The following TTC7A variants were observed in gnomAD, a reference collection of about 807,000 sequenced individuals.
TTC7A encodes the protein tetratricopeptide repeat protein 7A.
A neutral mutation model predicts 103.7 loss-of-function variants in TTC7A; 110 were observed. That is an observed-to-expected ratio of 1.06 (90% CI 0.91 to 1.24). The LOEUF is 1.24. TTC7A is among the 50% of genes most tolerant of loss of function. The probability of loss-of-function intolerance (pLI) is 0.00; values close to 1 mark genes in which losing one functional copy is unlikely to be tolerated. For missense variants in TTC7A, 1,340 were observed against 1,116.3 expected, an observed-to-expected ratio of 1.20 and a Z score of -2.86; for synonymous variants, 521 against 467.9, an observed-to-expected ratio of 1.11 and a Z score of -1.47.
chr2:46,987,443 T>C (rs1471792099), intron 5 of TTC7A, among the ~76,000 whole-genome samples: 1 of 152,178 alleles, frequency 6.6e-6, no homozygotes, highest in Non-Finnish European at 1.5e-5. Context: ...TGTCAGTGGC[T>C]CTAACTGCAC....
chr2:46,975,084 T>C lies in TTC7A; in HGVS notation c.629T>C (p.Phe210Ser). 6.2e-7 allele frequency: 1 copy of C among 1,613,862 alleles called. No homozygotes were observed. The highest frequency in any genetic ancestry group is 8.5e-7 in the Non-Finnish European group (1 of 1,179,842). Residue 210 changes from phenylalanine to serine, a missense_variant, in exon 4 of 20, where the codon TTC becomes TCC. Phe to Ser is a radical substitution (Grantham distance 155, BLOSUM62 -2). Coordinates refer to ENST00000319190, the MANE Select transcript of TTC7A (RefSeq NM_020458.4). ...FERASWIAQV[F>S]LQELEKTTNN... ...AGGGCCTCCTGGATCGCTCAGGTGT[T>C]CCTGCAGGAATTGGAGAAGGTGAGC...
intron 19 of TTC7A, among the ~76,000 whole-genome samples, chr2:47,071,556 C>T (rs1056006780): frequency 2.0e-5 from 3 of 152,196 alleles, no homozygotes; most frequent in African/African-American, 4.8e-5. Flanking sequence ...TGTTTCATTG[C>T]TTTGGTTTAC....
intron 11 of TTC7A, among the ~76,000 whole-genome samples, chr2:47,016,199 A>G (rs150263884): frequency 6.6e-6 from 1 of 152,294 alleles, no homozygotes; most frequent in East Asian, 1.9e-4. Context: ...GTCACAGGAA[A>G]TTTTCCCTTA....
intron 8 of TTC7A, among the ~76,000 whole-genome samples, chr2:46,995,565 G>A (rs187713381): frequency 7.9e-5 from 12 of 152,342 alleles, no homozygotes; most frequent in African/African-American, 2.9e-4. Context: ...GGTAGGGAAT[G>A]GAAGGAATGT....
intron 19 of TTC7A, chr2:47,065,614 C>T (rs1417712110): frequency 2.0e-5 from 3 of 152,180 alleles, no homozygotes; most frequent in African/African-American, 7.2e-5. Flanking sequence ...AGGGGGAGGG[C>T]AGAGAGCTTT....
intron 2 of TTC7A, among the ~76,000 whole-genome samples, chr2:46,924,018 G>A (rs1669254479): frequency 6.6e-6 from 1 of 151,948 alleles, no homozygotes; most frequent in South Asian, 2.1e-4. Flanking sequence ...TTACAGGTGT[G>A]AGCCACTGTG....
chr2:46,946,372 T>G (rs1401405837), intron 1 of TTC7A, among the ~76,000 whole-genome samples: 1 of 152,198 alleles, frequency 6.6e-6, no homozygotes, highest in Non-Finnish European at 1.5e-5. Flanking sequence ...TTGTTTTCCC[T>G]TTGGAAGGAC....
intron 14 of TTC7A, among the ~76,000 whole-genome samples, chr2:47,025,101 C>T (rs924005859): frequency 3.9e-5 from 6 of 152,224 alleles, no homozygotes; most frequent in African/African-American, 1.4e-4. Context: ...GCCTTTGGCT[C>T]TCACAGTGGA....
intron 3 of TTC7A, among the ~76,000 whole-genome samples, chr2:46,973,407 A>G (rs750294273): frequency 2.0e-5 from 3 of 152,232 alleles, no homozygotes; most frequent in Non-Finnish European, 2.9e-5. Context: ...CGCATGGTGC[A>G]GGGAAACCCT....
In TTC7A at chr2:47,049,344, A is replaced by G. The variant is rs927534983; in HGVS notation, c.1920-605A>G. Among the ~76,000 whole-genome samples the G allele has an allele frequency of 3.3e-5, 5 of 150,860 alleles. No homozygotes were observed. In the East Asian group the frequency reaches 9.8e-4, roughly 30 times the overall value. On this transcript the variant is annotated intron_variant, in intron 16 of 19. Transcript: ENST00000319190. ...CTGCCCCCACTCTGTGAAAAGAGGA[A>G]CCCCTCCCCCCCGCCAGCAGTATAG...
rs5830931 is a variant in TTC7A at position 46,980,216 on chromosome 2, C to CT, written c.764+1330dup. On this transcript the variant is annotated intron_variant, in intron 5 of 19. Transcript: ENST00000319190. ...TTTTCTTCTACCCTATACTCTCTCT[C>CT]TTTTTTTTTTTTTTTTTTTTTAAAG... Among the ~76,000 whole-genome samples the CT allele has an allele frequency of 4.8e-3, 596 of 124,090 alleles. 3 individuals carry two copies. The highest frequency in any genetic ancestry group is 8.9e-3 in the Middle Eastern group (2 of 224). 81.4% of individuals were successfully genotyped at this position (124,090 alleles called of 152,430 possible). A position where few individuals can be genotyped will look rare whatever the true frequency, so the allele number is the denominator to read the frequency against.
chr2:46,934,787 CTTTTTTT>C (rs1161003607), intron 2 of TTC7A, among the ~76,000 whole-genome samples: 5 of 66,886 alleles, frequency 7.5e-5, no homozygotes, highest in African/African-American at 1.9e-4. Flanking sequence ...GACTACTGCT[CTTTTTTT>C]TTTTTTTTTT....
rs924829960 is a variant in TTC7A at position 46,941,385 on chromosome 2, C to A, written c.-157C>A. The stretch of plus-strand genomic sequence containing the variant: ...GCTGGTGCTGCTGCTGCTGCTGCTG[C>A]CCACCCTCCGCCGCCCGGGCCCCCG... On this transcript the variant is annotated 5_prime_UTR_variant, in exon 1 of 20. Coordinates refer to ENST00000319190, the MANE Select transcript of TTC7A (RefSeq NM_020458.4). This position sits in a 1 kb window ranked among gnomAD's most constrained non-coding sequence, Gnocchi z 4.2. 5 of 533,898 alleles carry A rather than the reference C, an allele frequency of 9.4e-6. No individual in the cohort carries two copies. Among genetic ancestry groups the A allele is most frequent in the African/African-American group, 2.0e-5 (1 of 49,566 alleles). 33.1% of individuals were successfully genotyped at this position (533,898 alleles called of 1,614,324 possible).
intron 1 of TTC7A, among the ~76,000 whole-genome samples, chr2:46,942,538 C>G (rs973891071): frequency 1.2e-4 from 19 of 152,158 alleles, no homozygotes; most frequent in Non-Finnish European, 1.2e-4. Context: ...AGGGACAGAT[C>G]GTGATAGTAA....
intron 8 of TTC7A, among the ~76,000 whole-genome samples, chr2:47,003,222 G>C (rs934723872): frequency 2.6e-5 from 4 of 152,202 alleles, no homozygotes; most frequent in South Asian, 4.1e-4. Context: ...GTGAGGCTGT[G>C]CCTGGGGCCA....
chr2:46,943,468 G>T (rs1239156602), intron 1 of TTC7A, among the ~76,000 whole-genome samples: 1 of 152,016 alleles, frequency 6.6e-6, no homozygotes, highest in Non-Finnish European at 1.5e-5. Flanking sequence ...CCAGTTTTGG[G>T]GTCTGTGAAT....
intron 2 of TTC7A, among the ~76,000 whole-genome samples, chr2:46,922,208 G>A (rs1669141129): frequency 6.6e-6 from 1 of 152,102 alleles, no homozygotes; most frequent in Non-Finnish European, 1.5e-5. Flanking sequence ...GAGTATTTGT[G>A]CCAGGCTGAT....
In TTC7A at chr2:46,994,480, G is replaced by A. The variant is rs764670355; in HGVS notation, c.967G>A (p.Ala323Thr). Residue 323 changes from alanine (A) to threonine (T), a missense_variant, in exon 7 of 20, where the codon GCC (alanine) becomes ACC (threonine). By Grantham distance (58) the Ala-to-Thr change is moderately conservative. Coordinates refer to ENST00000319190, the MANE Select transcript of TTC7A (RefSeq NM_020458.4). ...GGAGGAGAGTTCTTTCGCCACTCAG[G>A]CCCTGCGGAAACCTCACCTCTATGA... is the stretch of plus-strand genomic sequence containing the variant. The part of the protein sequence containing the change: ...GKEESSFATQ[A>T]LRKPHLYEGD... The A allele has an allele frequency of 1.9e-6, 3 of 1,614,064 alleles. No individual in the cohort carries two copies. Among genetic ancestry groups the A allele is most frequent in the East Asian group, 4.5e-5 (2 of 44,872 alleles).
chr2:47,026,652 C>A (rs1160053608), intron 14 of TTC7A, among the ~76,000 whole-genome samples: 1 of 149,526 alleles, frequency 6.7e-6, no homozygotes, highest in African/African-American at 2.5e-5. Context: ...TGCCTTCAGG[C>A]TGGAAGGAAG....
Sources: gnomAD v4.1 joint callset for allele counts (sites outside exome capture counted in the v4.1 genomes callset) on GRCh38, gnomAD v4.1.1 for gene constraint, Gnocchi (gnomAD v3.1) non-coding constraint, MANE v1.5 for transcripts, NCBI Gene and HGNC (gene_info 2026-07-23, HGNC 2026-07-21) for gene names.